The following WDR48 variants were observed in gnomAD, a reference collection of about 807,000 sequenced individuals.
WDR48 encodes the protein WD repeat domain 48.
WDR48 carries 22 observed loss-of-function variants against 94.0 expected under a neutral mutation model. The observed-to-expected ratio is 0.23, with a 90% CI of 0.17 to 0.33. The LOEUF is 0.33. Ranked by LOEUF, WDR48 falls within the 10% of genes least tolerant of loss-of-function variation. WDR48 has a pLI of 1.00. For missense variants in WDR48, 541 were observed against 813.8 expected, an observed-to-expected ratio of 0.66 and a Z score of 4.08; for synonymous variants, 278 against 280.5, an observed-to-expected ratio of 0.99 and a Z score of 0.09.
chr3:39,061,869 C>CAT, intron 1 of WDR48, among the ~76,000 whole-genome samples: 1 of 107,678 alleles, frequency 9.3e-6, no homozygotes, highest in African/African-American at 6.6e-5. Flanking sequence ...AGCATTTTTT[C>CAT]TTGTGTCTGC....
At chr3:39,057,169 T>G (rs2032943430) in intron 1 of WDR48, among the ~76,000 whole-genome samples, 1 of 152,216 alleles carries the variant, frequency 6.6e-6, no homozygotes, top group African/African-American at 2.4e-5. Flanking sequence ...GGATTATTTG[T>G]TCAATTAAAA....
chr3:39,090,668 A>C (rs969391656), intron 16 of WDR48: 1 of 152,064 alleles, frequency 6.6e-6, no homozygotes, highest in African/African-American at 2.4e-5. Context: ...TCCTTTTTCT[A>C]CTTATCTGGG....
chr3:39,083,214 G>C (rs916338397), intron 11 of WDR48, among the ~76,000 whole-genome samples: 5 of 152,174 alleles, frequency 3.3e-5, no homozygotes, highest in African/African-American at 1.2e-4. Flanking sequence ...CAGAAAATTT[G>C]ACTGGATAAT....
intron 11 of WDR48, among the ~76,000 whole-genome samples, chr3:39,080,393 C>T (rs982624303): frequency 2.0e-5 from 3 of 152,232 alleles, no homozygotes; most frequent in Admixed American, 6.5e-5. Context: ...ACAATAACTC[C>T]TTCTGGGACA....
chr3:39,091,337 G>A (rs1196688635), intron 16 of WDR48: 1 of 201,846 alleles, frequency 5.0e-6, no homozygotes, highest in Non-Finnish European at 1.0e-5. Flanking sequence ...TTGAGATTCT[G>A]GTTTGTATGG....
chr3:39,056,028 C>T (rs896047755), intron 1 of WDR48, among the ~76,000 whole-genome samples: 11 of 152,126 alleles, frequency 7.2e-5, no homozygotes, highest in Non-Finnish European at 1.2e-4. Flanking sequence ...TTTTCTATAG[C>T]CAGACATTTT....
Position 39,094,615 on chromosome 3 carries a change from T to C in WDR48, c.1939-33T>C. 4 of 1,613,434 alleles carry C rather than the reference T, an allele frequency of 2.5e-6. 1 individual carries two copies. The highest frequency in any genetic ancestry group is 2.2e-5 in the South Asian group (2 of 91,064). ...GATAAGGTTTTAGATATTAGAGACT[T>C]TGAAATTTTTAAATTTAATTTTGGC... On this transcript the variant is annotated intron_variant, in intron 18 of 18. Transcript: ENST00000302313.
chr3:39,066,802 G>A lies in WDR48; in HGVS notation c.408G>A (p.Gly136=), dbSNP rs778879062. 3.8e-5 allele frequency: 61 copies of A among 1,614,000 alleles called. No individual in the cohort carries two copies. Among genetic ancestry groups the A allele is most frequent in the Admixed American group, 3.2e-4 (19 of 59,992 alleles). The change falls in exon 5 of 19, where the codon GGG becomes GGA. Residue 136 remains glycine (G), a synonymous_variant. Transcript: ENST00000302313. The stretch of plus-strand genomic sequence containing the variant: ...ATAAAGAACTAGTAGCATCAGCTGG[G>A]TTGGACAGACAAATATTCCTTTGGG... The part of the protein sequence containing the change: ...AKDKELVASA[G]LDRQIFLWDV...
chr3:39,066,439 TAA>T lies in WDR48; in HGVS notation c.269-108_269-107del, dbSNP rs905124820. On this transcript the variant is annotated intron_variant, in intron 3 of 18. Coordinates refer to ENST00000302313, the MANE Select transcript of WDR48 (RefSeq NM_020839.4). ...GAGCTTTTAGGTATGTTTGTGTGTG[TAA>T]GAGAGAGAATATGTTAGTTTGAAAT... 3.2e-6 allele frequency: 3 copies of T among 932,368 alleles called. No homozygotes were observed. The African/African-American group carries it at 5.0e-5, about 15-fold the overall frequency. 57.8% of individuals were successfully genotyped at this position (932,368 alleles called of 1,614,324 possible).
At chr3:39,063,943 C>T (rs947189952) in intron 2 of WDR48, among the ~76,000 whole-genome samples, 2 of 152,090 alleles carry the variant, frequency 1.3e-5, no homozygotes, top group African/African-American at 4.8e-5. Flanking sequence ...AGAGGGAGAC[C>T]TTGTCTCAAA....
At chr3:39,080,422 A>G (rs772320485) in intron 11 of WDR48, among the ~76,000 whole-genome samples, 4 of 152,254 alleles carry the variant, frequency 2.6e-5, no homozygotes, top group Non-Finnish European at 4.4e-5. Flanking sequence ...GCATGAAGCT[A>G]TTCAATCACA....
intron 1 of WDR48, among the ~76,000 whole-genome samples, chr3:39,061,786 G>A (rs539620448): frequency 6.6e-6 from 1 of 152,104 alleles, no homozygotes; most frequent in South Asian, 2.1e-4. Context: ...TTTAATGACT[G>A]CCACTCTAAC....
chr3:39,075,392 C>A (rs1047790990), intron 8 of WDR48, among the ~76,000 whole-genome samples: 2 of 151,926 alleles, frequency 1.3e-5, no homozygotes, highest in African/African-American at 2.4e-5. Flanking sequence ...TGTGAGCAGA[C>A]AACAAAGCAG....
rs1050288674 is a variant in WDR48, at chr3:39,096,414, C to T, written c.*1671C>T. ...AAAGAAAAAAAAAATTATTTACCAG[C>T]CCTCAGTTGTGTTTGCCCGAGGGGC... On this transcript the variant is annotated 3_prime_UTR_variant, in exon 19 of 19. Transcript: ENST00000302313. 2.6e-5 allele frequency: 4 copies of T among 152,016 alleles called. No individual in the cohort carries two copies. In the East Asian group the frequency reaches 5.8e-4, roughly 22 times the overall value. The allele number at this position is 152,016 out of a possible 1,614,324, so 9.4% of individuals were successfully genotyped here. A position where few individuals can be genotyped will look rare whatever the true frequency, so the allele number is the denominator to read the frequency against.
intron 7 of WDR48, 69 bp downstream of exon 7, chr3:39,069,813 C>A: frequency 7.8e-7 from 1 of 1,277,536 alleles, no homozygotes; most frequent in Non-Finnish European, 1.1e-6. Context: ...TATACTATTG[C>A]ATAGGTTGAT....
chr3:39,052,287 C>G (rs2032466779), intron 1 of WDR48: 1 of 560,534 alleles, frequency 1.8e-6, no homozygotes, highest in Non-Finnish European at 3.2e-6. Flanking sequence ...AGGCCCGGGA[C>G]CCTCGTGGGC....
At chr3:39,058,251 C>T (rs1245203796) in intron 1 of WDR48, among the ~76,000 whole-genome samples, 1 of 152,176 alleles carries the variant, frequency 6.6e-6, no homozygotes, top group Non-Finnish European at 1.5e-5. Flanking sequence ...GCATGAGCCA[C>T]CACACCTGGC....
chr3:39,077,751 A>G (rs559433212), intron 9 of WDR48, among the ~76,000 whole-genome samples: 2 of 152,378 alleles, frequency 1.3e-5, no homozygotes, highest in South Asian at 2.1e-4. Context: ...TTACCAGACT[A>G]TCTGTAGGTA....
At chr3:39,074,257 T>G (rs1284571998) in intron 7 of WDR48, among the ~76,000 whole-genome samples, 3 of 152,240 alleles carry the variant, frequency 2.0e-5, no homozygotes, top group African/African-American at 7.2e-5. Flanking sequence ...ACAAAGGCAG[T>G]TCTGCTCAGA....
Sources: allele counts gnomAD v4.1 joint callset (sites outside exome capture counted in the v4.1 genomes callset), GRCh38; gene constraint gnomAD v4.1.1; transcripts MANE v1.5; gene names NCBI Gene and HGNC (gene_info 2026-07-23, HGNC 2026-07-21).